The following GNAZ variants were observed in gnomAD, a reference collection of about 807,000 sequenced individuals.
The protein encoded by GNAZ is G protein subunit alpha z, also known as guanine nucleotide-binding protein G(z) subunit alpha.
Under a neutral mutation model 25.4 loss-of-function variants are expected in GNAZ, and 3 were observed. The ratio of observed to expected loss-of-function variants is 0.12; its 90% CI spans 0.05 to 0.30. GNAZ has a LOEUF of 0.30. Ranked by LOEUF, GNAZ falls within the 10% of genes least tolerant of loss-of-function variation. The pLI is 1.00. For synonymous variants in GNAZ, 211 were observed against 205.7 expected (o/e 1.03, Z -0.22); for missense variants, 241 against 501.8 (o/e 0.48, Z 4.97).
In GNAZ at chr22:23,071,080, G is replaced by A. The variant is rs996814709; in HGVS notation, c.-450+510G>A. Among the ~76,000 whole-genome samples the A allele has an allele frequency of 1.3e-5, 2 of 152,264 alleles. No individual in the cohort carries two copies. The highest frequency in any genetic ancestry group is 2.9e-5 in the Non-Finnish European group (2 of 68,038). On this transcript the variant is annotated intron_variant, in intron 1 of 2. Coordinates refer to ENST00000615612, the MANE Select transcript of GNAZ (RefSeq NM_002073.4). The surrounding 1 kb of genome is among the most constrained non-coding windows in gnomAD (Gnocchi z 4.1). ...GAGGACCTGGGCCCGCAGACGGACA[G>A]CTAGCAGTTCTCGGTCACTGCTCTT...
chr22:23,098,152 T>C (rs1482600404), intron 2 of GNAZ, among the ~76,000 whole-genome samples: 1 of 152,264 alleles, frequency 6.6e-6, no homozygotes, highest in Admixed American at 6.5e-5. Flanking sequence ...GCCTGCCACC[T>C]TGCTGCCTCT....
intron 1 of GNAZ, among the ~76,000 whole-genome samples, chr22:23,092,246 G>A (rs1601785244): frequency 1.3e-5 from 2 of 152,296 alleles, no homozygotes; most frequent in South Asian, 2.1e-4. Context: ...AGAGCCTTGT[G>A]TAAGAGCCAA....
At chr22:23,120,793 C>T (rs963736118) in intron 2 of GNAZ, among the ~76,000 whole-genome samples, 6 of 152,192 alleles carry the variant, frequency 3.9e-5, no homozygotes, top group African/African-American at 1.4e-4. Context: ...AGCCCCAGGA[C>T]TCCCACCTCA....
chr22:23,098,774 C>T (rs1011538157), intron 2 of GNAZ, among the ~76,000 whole-genome samples: 4 of 152,244 alleles, frequency 2.6e-5, no homozygotes, highest in African/African-American at 9.6e-5. Flanking sequence ...AATCCCCTCC[C>T]GCGATTCCTC....
Position 23,071,446 on chromosome 22 carries a change from C to A in GNAZ, c.-450+876C>A, listed in dbSNP as rs1462660155. ...GGAGGGACCCGCCTGGTAGAGAGGT[C>A]TGTCTTGCTTGGGGAGACAGCTGAG... is the stretch of plus-strand genomic sequence containing the variant. On this transcript the variant is annotated intron_variant, in intron 1 of 2. Coordinates refer to ENST00000615612, the MANE Select transcript of GNAZ (RefSeq NM_002073.4). The surrounding 1 kb of genome is among the most constrained non-coding windows in gnomAD (Gnocchi z 4.1). 6.6e-6 allele frequency among the ~76,000 whole-genome samples: 1 copy of A among 152,226 alleles called. No individual in the cohort carries two copies. Among genetic ancestry groups the A allele is most frequent in the Non-Finnish European group, 1.5e-5 (1 of 68,036 alleles).
At chr22:23,121,685 C>T (rs146199794) in intron 2 of GNAZ, among the ~76,000 whole-genome samples, 11 of 151,620 alleles carry the variant, frequency 7.3e-5, no homozygotes, top group East Asian at 1.9e-4. Flanking sequence ...TGCATTACCA[C>T]GGTCACTGGT....
chr22:23,080,440 G>A (rs552817330), intron 1 of GNAZ, among the ~76,000 whole-genome samples: 1 of 152,368 alleles, frequency 6.6e-6, no homozygotes, highest in South Asian at 2.1e-4. Flanking sequence ...ATAGCCTGGG[G>A]TTGTCTGTAG....
intron 1 of GNAZ, among the ~76,000 whole-genome samples, chr22:23,076,185 T>C (rs2068502327): frequency 6.6e-6 from 1 of 152,178 alleles, no homozygotes; most frequent in South Asian, 2.1e-4. Context: ...CTGACCATGT[T>C]TCCTATGCCC....
At chr22:23,123,044 C>T (rs768001838) in intron 2 of GNAZ, 43 bp from the exon 3 acceptor site, 1 of 1,341,928 alleles carries the variant, frequency 7.5e-7, no homozygotes, top group South Asian at 1.2e-5. Context: ...TCTGTCTCTG[C>T]CTGCTGCGGG....
intron 2 of GNAZ, among the ~76,000 whole-genome samples, chr22:23,113,311 C>T (rs984958633): frequency 1.3e-5 from 2 of 152,254 alleles, no homozygotes; most frequent in Non-Finnish European, 2.9e-5. Context: ...CCGGCTCCCA[C>T]CCCAGCACTC....
rs577914438 is a variant in GNAZ at position 23,087,141 on chromosome 22, G to A, written c.-449-8106G>A. Among the ~76,000 whole-genome samples, 7 of 152,268 alleles carry A rather than the reference G, an allele frequency of 4.6e-5. No individual in the cohort carries two copies. The South Asian group carries it at 1.0e-3, about 23-fold the overall frequency. Reference sequence around the variant, plus strand: ...TGGTGGGAGCTGATGTAGGGACGGCGGCTCCAGAGTTGGGGGCAGCACCCA... The same window carrying A: ...TGGTGGGAGCTGATGTAGGGACGGCAGCTCCAGAGTTGGGGGCAGCACCCA... On this transcript the variant is annotated intron_variant, in intron 1 of 2. Transcript: ENST00000615612.
intron 1 of GNAZ, among the ~76,000 whole-genome samples, chr22:23,079,291 A>T (rs1179874803): frequency 6.6e-6 from 1 of 152,222 alleles, no homozygotes; most frequent in East Asian, 1.9e-4. Flanking sequence ...GAGGCCTCCT[A>T]AGGAAGGGAC....
rs577059931 is a variant in GNAZ, at chr22:23,082,732, C to G, written c.-450+12162C>G. On this transcript the variant is annotated intron_variant, in intron 1 of 2. Transcript: ENST00000615612. Reference sequence around the variant, plus strand: ...TAGGATTCACAAGGCCCTTGGAGCCCCAGCCCACCCAAGCGGAAGAGTCCA... The same window carrying G: ...TAGGATTCACAAGGCCCTTGGAGCCGCAGCCCACCCAAGCGGAAGAGTCCA... Among the ~76,000 whole-genome samples, 5 of 152,076 alleles carry G rather than the reference C, an allele frequency of 3.3e-5. No homozygotes were observed. In the South Asian group the frequency reaches 1.0e-3, roughly 32 times the overall value.
At chr22:23,088,541 G>A (rs933552481) in intron 1 of GNAZ, among the ~76,000 whole-genome samples, 3 of 152,238 alleles carry the variant, frequency 2.0e-5, no homozygotes, top group African/African-American at 4.8e-5. Context: ...TCATAGCCCC[G>A]CTTGGGGCAT....
Position 23,123,636 on chromosome 22 carries a change from T to C in GNAZ, c.*205T>C. 3.4e-6 allele frequency: 2 copies of C among 588,142 alleles called. No individual in the cohort carries two copies. Among genetic ancestry groups the C allele is most frequent in the South Asian group, 2.1e-5 (1 of 48,076 alleles). 36.4% of individuals were successfully genotyped at this position (588,142 alleles called of 1,614,324 possible). A position where few individuals can be genotyped will look rare whatever the true frequency, so the allele number is the denominator to read the frequency against. On this transcript the variant is annotated 3_prime_UTR_variant, in exon 3 of 3. Transcript: ENST00000615612. Reference sequence around the variant, plus strand: ...TGCTAGGTAGATAGACACACACACATGCACACACACACATCTGGAGATGGC... The same window carrying C: ...TGCTAGGTAGATAGACACACACACACGCACACACACACATCTGGAGATGGC...
chr22:23,091,861 C>T (rs1360774810), intron 1 of GNAZ, among the ~76,000 whole-genome samples: 1 of 152,204 alleles, frequency 6.6e-6, no homozygotes, highest in Non-Finnish European at 1.5e-5. Flanking sequence ...TGGTACCTCT[C>T]TCCTCCTCTC....
chr22:23,096,870 G>A (rs2069140834), intron 2 of GNAZ, among the ~76,000 whole-genome samples: 1 of 152,244 alleles, frequency 6.6e-6, no homozygotes, highest in Non-Finnish European at 1.5e-5. Context: ...AGGGGACGAC[G>A]TAAAAGCAGG....
chr22:23,096,303 G>T lies in GNAZ; in HGVS notation c.608G>T (p.Gly203Val). 6.2e-7 allele frequency: 1 copy of T among 1,614,042 alleles called. No individual in the cohort carries two copies. The highest frequency in any genetic ancestry group is 1.1e-5 in the South Asian group (1 of 91,086). Residue 203 changes from glycine (G) to valine (V), a missense_variant, in exon 2 of 3, where the codon GGG (glycine) becomes GTG (valine). Transcript: ENST00000615612. The part of the protein sequence containing the change: ...KELTFKMVDV[G>V]GQRSERKKWI... Reference sequence around the variant, plus strand: ...CTCACCTTCAAGATGGTGGACGTGGGGGGGCAGAGGTCAGAGCGCAAAAAG... The same window carrying T: ...CTCACCTTCAAGATGGTGGACGTGGTGGGGCAGAGGTCAGAGCGCAAAAAG...
chr22:23,106,007 C>T (rs980295875), intron 2 of GNAZ, among the ~76,000 whole-genome samples: 1 of 152,156 alleles, frequency 6.6e-6, no homozygotes, highest in Non-Finnish European at 1.5e-5. Context: ...CACAGGAGCT[C>T]CAGGCCCTTT....
Sources: gnomAD v4.1 joint callset for allele counts (sites outside exome capture counted in the v4.1 genomes callset) on GRCh38, gnomAD v4.1.1 for gene constraint, Gnocchi (gnomAD v3.1) non-coding constraint, MANE v1.5 for transcripts, NCBI Gene and HGNC (gene_info 2026-07-23, HGNC 2026-07-21) for gene names.